The following CEP63 variants were observed in gnomAD, a reference collection of about 807,000 sequenced individuals.
The protein encoded by CEP63 is centrosomal protein of 63 kDa.
Under a neutral mutation model 89.1 loss-of-function variants are expected in CEP63, and 84 were observed. The ratio of observed to expected loss-of-function variants is 0.94; its 90% CI spans 0.79 to 1.13. The LOEUF is 1.13. Ranked by LOEUF, CEP63 falls within the 50% of genes most tolerant of loss-of-function variation. The pLI is 0.00. For missense variants in CEP63, 838 were observed against 813.3 expected, an observed-to-expected ratio of 1.03 and a Z score of -0.37; for synonymous variants, 267 against 272.5, an observed-to-expected ratio of 0.98 and a Z score of 0.20.
chr3:134,669,841 G>A, the CEP63 span, among the ~76,000 whole-genome samples: 1 of 152,326 alleles, frequency 6.6e-6, no homozygotes, highest in African/African-American at 2.4e-5. Context: ...CTAGATTATT[G>A]CTATAGACTG....
At chr3:134,702,779 A>G in the CEP63 span, among the ~76,000 whole-genome samples, 1 of 152,154 alleles carries the variant, frequency 6.6e-6, no homozygotes, top group African/African-American at 2.4e-5. Context: ...ACCGTCTCAC[A>G]CCAGTCAGAA....
At chr3:134,708,993 C>T in the CEP63 span, among the ~76,000 whole-genome samples, 4 of 152,120 alleles carry the variant, frequency 2.6e-5, no homozygotes, top group African/African-American at 9.7e-5. Context: ...AAACCACTGT[C>T]TTCATAGGGG....
the CEP63 span, among the ~76,000 whole-genome samples, chr3:134,757,195 C>T: frequency 6.6e-6 from 1 of 152,210 alleles, no homozygotes; most frequent in Admixed American, 6.5e-5. Flanking sequence ...GCAGCAAATG[C>T]CATCCTTAGG....
At chr3:134,701,955 G>A in the CEP63 span, among the ~76,000 whole-genome samples, 1 of 152,092 alleles carries the variant, frequency 6.6e-6, no homozygotes, top group African/African-American at 2.4e-5. Flanking sequence ...ATCTGGGCTA[G>A]GGCTTTGATC....
chr3:134,629,608 G>C, the CEP63 span: 1 of 1,587,796 alleles, frequency 6.3e-7, no homozygotes, highest in Non-Finnish European at 8.6e-7. Context: ...ATGAGTACCT[G>C]TGTCATACAT....
rs62656962 is a variant in CEP63, at chr3:134,547,614, C to CTT, written c.1067+156_1067+157dup. ...CCACAAATGGCCTAAGTTCTTATTT[C>CTT]TTTTTTTTTTTTTTTGAGACGGAGT... On this transcript the variant is annotated intron_variant, in intron 9 of 14. Coordinates refer to ENST00000675561, the MANE Select transcript of CEP63 (RefSeq NM_001353108.3). The CTT allele has an allele frequency of 2.9e-4, 82 of 278,468 alleles. 9 individuals carry two copies. Among genetic ancestry groups the CTT allele is most frequent in the East Asian group, 5.3e-4 (5 of 9,448 alleles). 17.2% of individuals were successfully genotyped at this position (278,468 alleles called of 1,614,324 possible). A position where few individuals can be genotyped will look rare whatever the true frequency, so the allele number is the denominator to read the frequency against.
the CEP63 span, among the ~76,000 whole-genome samples, chr3:134,761,409 C>T: frequency 1.3e-5 from 2 of 152,226 alleles, no homozygotes; most frequent in Non-Finnish European, 2.9e-5. Context: ...GAAAGGCATG[C>T]GTGGAGCCCC....
the CEP63 span, among the ~76,000 whole-genome samples, chr3:134,635,322 C>A: frequency 1.3e-4 from 20 of 151,744 alleles, no homozygotes; most frequent in Non-Finnish European, 2.5e-4. Context: ...TATGGTGAAA[C>A]CCCATCTCTA....
At chr3:134,698,712 C>G in the CEP63 span, among the ~76,000 whole-genome samples, 2 of 152,226 alleles carry the variant, frequency 1.3e-5, no homozygotes, top group Non-Finnish European at 2.9e-5. Context: ...CACCTTGTCT[C>G]CAGGTAGTCT....
rs141889594 is a variant in CEP63 at position 134,585,763 on chromosome 3, C to T, written c.1207-1695C>T. 1.6e-3 allele frequency among the ~76,000 whole-genome samples: 249 copies of T among 152,162 alleles called. 1 individual carries two copies. Among genetic ancestry groups the T allele is most frequent in the African/African-American group, 5.6e-3 (233 of 41,476 alleles). On this transcript the variant is annotated intron_variant, in intron 10 of 10. Coordinates refer to the CEP63 transcript ENST00000683931. ...GGATATCCTTGTTAACCTTCTATCT[C>T]GTTGATCTGTCCAATATTGACAGAA... is the stretch of plus-strand genomic sequence containing the variant.
At chr3:134,606,875 C>T in the CEP63 span, 2 of 971,488 alleles carry the variant, frequency 2.1e-6, no homozygotes, top group Non-Finnish European at 2.4e-6. Context: ...AGCTTTCCAG[C>T]CCCTTATCTA....
chr3:134,585,094 C>G (rs6774795), intron 10 of CEP63, among the ~76,000 whole-genome samples: 47,737 of 150,990 alleles, frequency 0.32, 7,836 homozygotes, highest in African/African-American at 0.35. Context: ...CTTTATTAGT[C>G]TTGCTAGTGG....
chr3:134,692,644 C>T, the CEP63 span, among the ~76,000 whole-genome samples: 2 of 152,272 alleles, frequency 1.3e-5, no homozygotes, highest in East Asian at 1.9e-4. Flanking sequence ...ATCACAGGTC[C>T]CCTGAAAGTC....
chr3:134,674,250 A>G, the CEP63 span, among the ~76,000 whole-genome samples: 1 of 152,244 alleles, frequency 6.6e-6, no homozygotes, highest in Non-Finnish European at 1.5e-5. Flanking sequence ...ATCATGAAGA[A>G]GTGGGATTTA....
At chr3:134,730,016 C>G in the CEP63 span, among the ~76,000 whole-genome samples, 1 of 152,200 alleles carries the variant, frequency 6.6e-6, no homozygotes, top group African/African-American at 2.4e-5. Flanking sequence ...ATTTCTAACC[C>G]TTCTCAGGCA....
At chr3:134,538,548 T>TAC (rs1364913088) in intron 6 of CEP63, among the ~76,000 whole-genome samples, 1 of 140,944 alleles carries the variant, frequency 7.1e-6, no homozygotes, top group Non-Finnish European at 1.5e-5. Context: ...TATATATATA[T>TAC]ATATATGTAT....
chr3:134,629,991 A>T, the CEP63 span, among the ~76,000 whole-genome samples: 1 of 152,200 alleles, frequency 6.6e-6, no homozygotes, highest in Non-Finnish European at 1.5e-5. Context: ...TAAATAATAG[A>T]ATAACTGGGG....
the CEP63 span, among the ~76,000 whole-genome samples, chr3:134,689,417 T>C: frequency 1.3e-5 from 2 of 149,600 alleles, no homozygotes; most frequent in African/African-American, 4.9e-5. Flanking sequence ...CAAACTATGG[T>C]TTGTAAATAA....
chr3:134,677,646 C>A, the CEP63 span, among the ~76,000 whole-genome samples: 1 of 152,112 alleles, frequency 6.6e-6, no homozygotes, highest in African/African-American at 2.4e-5. Flanking sequence ...TGAGGGTTAA[C>A]CCTAACTGCT....
Sources: gnomAD v4.1 joint callset for allele counts (sites outside exome capture counted in the v4.1 genomes callset) on GRCh38, gnomAD v4.1.1 for gene constraint, MANE v1.5 for transcripts, NCBI Gene and HGNC (gene_info 2026-07-23, HGNC 2026-07-21) for gene names.